The following USP15 variants were observed in gnomAD, a reference collection of about 807,000 sequenced individuals.
USP15 encodes ubiquitin carboxyl-terminal hydrolase 15.
Under a neutral mutation model 127.1 loss-of-function variants are expected in USP15, and 18 were observed. That is an observed-to-expected ratio of 0.14 (90% CI 0.10 to 0.21). USP15 has a LOEUF of 0.21. Ranked by LOEUF, USP15 falls within the 10% of genes least tolerant of loss-of-function variation. The pLI is 1.00. For synonymous variants in USP15, 364 were observed against 393.7 expected (o/e 0.92, Z 0.89); for missense variants, 805 against 1,159.9 (o/e 0.69, Z 4.44).
intron 11 of USP15, among the ~76,000 whole-genome samples, chr12:62,389,050 G>A (rs151139314): frequency 0.021 from 3,038 of 147,570 alleles, 47 homozygotes; most frequent in Non-Finnish European, 0.033. Flanking sequence ...GCTTGAGCCC[G>A]GGAGGTTGAG....
intron 6 of USP15, among the ~76,000 whole-genome samples, chr12:62,337,407 T>A (rs1055790705): frequency 1.3e-5 from 2 of 152,166 alleles, no homozygotes; most frequent in African/African-American, 2.4e-5. Context: ...GAGGAGCAAG[T>A]CACGTCTCAG....
At chr12:62,329,275 G>A (rs2065215017) in intron 6 of USP15, among the ~76,000 whole-genome samples, 1 of 152,166 alleles carries the variant, frequency 6.6e-6, no homozygotes, top group African/African-American at 2.4e-5. Context: ...GGAGGCTGAG[G>A]CAGGAGAATC....
intron 1 of USP15, among the ~76,000 whole-genome samples, chr12:62,284,346 T>G (rs2063733071): frequency 1.3e-5 from 2 of 152,236 alleles, no homozygotes; most frequent in Non-Finnish European, 2.9e-5. Flanking sequence ...ACTTAGTCCC[T>G]CAATTCTTTT....
intron 2 of USP15, among the ~76,000 whole-genome samples, chr12:62,298,755 G>C (rs2064210217): frequency 6.7e-6 from 1 of 149,266 alleles, no homozygotes; most frequent in African/African-American, 2.5e-5. Flanking sequence ...CTTCAGCCCA[G>C]GAGACAGAGG....
chr12:62,380,668 C>T (rs770630847), intron 8 of USP15, among the ~76,000 whole-genome samples: 3 of 151,892 alleles, frequency 2.0e-5, no homozygotes, highest in Non-Finnish European at 4.4e-5. Context: ...CTGTGTTAGT[C>T]GTTGCATATT....
At chr12:62,303,048 C>T (rs1321994243) in intron 3 of USP15, 128 bp downstream of exon 3, 5 of 1,058,860 alleles carry the variant, frequency 4.7e-6, no homozygotes, top group Non-Finnish European at 5.3e-6. Context: ...TAACCGTACA[C>T]TGTGTTACAA....
chr12:62,355,697 T>G (rs999355256), intron 8 of USP15, among the ~76,000 whole-genome samples: 2 of 151,784 alleles, frequency 1.3e-5, no homozygotes, highest in African/African-American at 4.8e-5. Context: ...ATGTACAAGA[T>G]TATATATCAC....
intron 1 of USP15, among the ~76,000 whole-genome samples, chr12:62,265,095 A>T (rs2063161611): frequency 6.6e-6 from 1 of 152,196 alleles, no homozygotes; most frequent in South Asian, 2.1e-4. Flanking sequence ...GTCCAGGGTT[A>T]ATGTACCCTA....
intron 1 of USP15, chr12:62,277,608 G>A (rs2063529909): frequency 6.6e-6 from 1 of 151,984 alleles, no homozygotes; most frequent in African/African-American, 2.4e-5. Context: ...CTAGGGCAGG[G>A]TTGTCCCATC....
intron 8 of USP15, among the ~76,000 whole-genome samples, chr12:62,368,667 T>C (rs561283005): frequency 6.6e-5 from 10 of 152,218 alleles, no homozygotes; most frequent in Non-Finnish European, 1.3e-4. Context: ...TTGGTAAATA[T>C]TCTTCCATCC....
At chr12:62,391,792 G>GA in intron 16 of USP15, 24 bp from the exon 17 acceptor site, 2 of 1,557,292 alleles carry the variant, frequency 1.3e-6, no homozygotes, top group Non-Finnish European at 1.7e-6. Flanking sequence ...AAATTTTAAA[G>GA]AAAAAATATG....
chr12:62,261,184 C>T (rs567117330), intron 1 of USP15, among the ~76,000 whole-genome samples: 5 of 152,294 alleles, frequency 3.3e-5, no homozygotes, highest in East Asian at 1.9e-4. Context: ...CAGCCCTTCC[C>T]TTCTGTTTGA....
In USP15 at chr12:62,264,898, A is replaced by G. The variant is rs551770273; in HGVS notation, c.89+4395A>G. 9.2e-5 allele frequency among the ~76,000 whole-genome samples: 14 copies of G among 152,342 alleles called. No individual in the cohort carries two copies. The South Asian group carries it at 2.9e-3, about 32-fold the overall frequency. On this transcript the variant is annotated intron_variant, in intron 1 of 21. Transcript: ENST00000280377. Reference sequence around the variant, plus strand: ...TGTTTACGACCAGAGTAGGGTATATACTACATCATTTATAGGAAATGAAAC... The same window carrying G: ...TGTTTACGACCAGAGTAGGGTATATGCTACATCATTTATAGGAAATGAAAC...
chr12:62,289,707 G>GTA, intron 1 of USP15, among the ~76,000 whole-genome samples: 1 of 150,632 alleles, frequency 6.6e-6, no homozygotes, highest in East Asian at 2.0e-4. Context: ...TTGTGTGTGT[G>GTA]TGTGTGTGTG....
rs2068086684 is a variant in USP15 at position 62,413,591 on chromosome 12, C to G, written c.*9216C>G. On this transcript the variant is annotated 3_prime_UTR_variant, in exon 22 of 22. Coordinates refer to ENST00000280377, the MANE Select transcript of USP15 (RefSeq NM_001252078.2). ...TGTTTCCTTAAACTCCATGAATCAA[C>G]CACTGCTAGCTTCAGACTTTTCTTC... 1 of 152,196 alleles carries G rather than the reference C, an allele frequency of 6.6e-6. No individual in the cohort carries two copies. Among genetic ancestry groups the G allele is most frequent in the Non-Finnish European group, 1.5e-5 (1 of 68,076 alleles). The allele number at this position is 152,196 out of a possible 1,614,324, so 9.4% of individuals were successfully genotyped here.
At chr12:62,321,184 C>T (rs1377745750) in intron 4 of USP15, among the ~76,000 whole-genome samples, 2 of 151,990 alleles carry the variant, frequency 1.3e-5, no homozygotes, top group East Asian at 3.8e-4. Context: ...AAAGTTTATC[C>T]TGTGTAGCAT....
intron 2 of USP15, among the ~76,000 whole-genome samples, chr12:62,296,303 C>G (rs2064125612): frequency 6.6e-6 from 1 of 152,148 alleles, no homozygotes; most frequent in South Asian, 2.1e-4. Context: ...CCATTTGGGC[C>G]CTCCTTAACT....
In USP15 at chr12:62,415,631, C is replaced by T. The variant is rs1292473617; in HGVS notation, c.*11256C>T. On this transcript the variant is annotated 3_prime_UTR_variant, in exon 22 of 22. Coordinates refer to ENST00000280377, the MANE Select transcript of USP15 (RefSeq NM_001252078.2). ...GCTCCCGAATGTCCATCTAGGAAGG[C>T]TTGGGGTGAGCAACCTGATTAGAAG... The T allele has an allele frequency of 1.3e-5, 2 of 152,302 alleles. No homozygotes were observed. Among genetic ancestry groups the T allele is most frequent in the African/African-American group, 4.8e-5 (2 of 41,558 alleles). 9.4% of individuals were successfully genotyped at this position (152,302 alleles called of 1,614,324 possible).
chr12:62,270,763 CTG>C (rs2063330051), intron 1 of USP15, among the ~76,000 whole-genome samples: 1 of 152,206 alleles, frequency 6.6e-6, no homozygotes, highest in African/African-American at 2.4e-5. Context: ...AAATCTGGAA[CTG>C]TGTCCTCCAA....
Sources: allele counts gnomAD v4.1 joint callset (sites outside exome capture counted in the v4.1 genomes callset), GRCh38; gene constraint gnomAD v4.1.1; transcripts MANE v1.5; gene names NCBI Gene and HGNC (gene_info 2026-07-23, HGNC 2026-07-21).